PRKD3: variants seen among roughly 807,000 people sequenced by gnomAD.
PRKD3 encodes serine/threonine-protein kinase D3.
A neutral mutation model predicts 99.2 loss-of-function variants in PRKD3; 47 were observed. That is an observed-to-expected ratio of 0.47 (90% CI 0.38 to 0.60). The LOEUF is 0.60. Among genes scored for constraint, PRKD3 ranks in the 20% least tolerant of loss-of-function variants. PRKD3 has a pLI of 0.00. For synonymous variants in PRKD3, 392 were observed against 355.4 expected, an observed-to-expected ratio of 1.10 and a Z score of -1.16; for missense variants, 1,019 against 1,088.4, an observed-to-expected ratio of 0.94 and a Z score of 0.90.
intron 16 of PRKD3, among the ~76,000 whole-genome samples, chr2:37,258,445 T>G (rs114117078): frequency 6.6e-6 from 1 of 152,306 alleles, no homozygotes; most frequent in African/African-American, 2.4e-5. Context: ...ATTAAAGAAG[T>G]GGAGCCATGG....
rs10460527 is a variant in PRKD3 at position 37,277,962 on chromosome 2, T to A, written c.1200A>T (p.Leu400=). 6.2e-7 allele frequency: 1 copy of A among 1,609,072 alleles called. No individual in the cohort carries two copies. The highest frequency in any genetic ancestry group is 8.5e-7 in the Non-Finnish European group (1 of 1,176,462). Residue 400 remains leucine, a synonymous_variant, in exon 9 of 19, where the codon CTA becomes CTT. Coordinates refer to ENST00000234179, the MANE Select transcript of PRKD3 (RefSeq NM_005813.6). ...GCTTGATGGATTGTACAACCCTCAT[T>A]AGCGGAATATTATTGCTTGTTGATG... ...ISPSTSNNIP[L]MRVVQSIKHT...
intron 2 of PRKD3, among the ~76,000 whole-genome samples, chr2:37,301,232 C>T (rs1670911477): frequency 6.6e-6 from 1 of 152,094 alleles, no homozygotes. Context: ...AACAAAAATA[C>T]TTTATATTCC....
chr2:37,308,292 A>T (rs1424278451), intron 2 of PRKD3, among the ~76,000 whole-genome samples: 1 of 152,102 alleles, frequency 6.6e-6, no homozygotes, highest in Non-Finnish European at 1.5e-5. Flanking sequence ...CTCTAAACTG[A>T]TCTTTTCATG....
chr2:37,292,350 CTTT>C (rs987226119), intron 3 of PRKD3, among the ~76,000 whole-genome samples: 2 of 143,030 alleles, frequency 1.4e-5, no homozygotes, highest in Non-Finnish European at 1.5e-5. Context: ...TGATTTTTTC[CTTT>C]TTTTTTTTTT....
At chr2:37,293,987 G>C (rs1670563110) in intron 2 of PRKD3, among the ~76,000 whole-genome samples, 1 of 152,178 alleles carries the variant, frequency 6.6e-6, no homozygotes, top group South Asian at 2.1e-4. Context: ...TTTACCATCA[G>C]TCTTGGATCT....
At chr2:37,286,938 C>A (rs2124822108) in intron 5 of PRKD3, among the ~76,000 whole-genome samples, 1 of 152,114 alleles carries the variant, frequency 6.6e-6, no homozygotes, top group South Asian at 2.1e-4. Flanking sequence ...TGGTTTTCTG[C>A]CTGGTCTTCT....
chr2:37,290,168 C>G (rs1670332590), intron 4 of PRKD3, among the ~76,000 whole-genome samples: 1 of 152,200 alleles, frequency 6.6e-6, no homozygotes, highest in African/African-American at 2.4e-5. Context: ...AAATGTGCAC[C>G]TGTGTCCTAC....
At chr2:37,258,144 A>G (rs1668125209) in intron 16 of PRKD3, among the ~76,000 whole-genome samples, 2 of 152,202 alleles carry the variant, frequency 1.3e-5, no homozygotes, top group South Asian at 4.1e-4. Context: ...CATTAATATA[A>G]ATTGAGAGGA....
intron 2 of PRKD3, among the ~76,000 whole-genome samples, chr2:37,314,523 T>C (rs1241139648): frequency 6.6e-6 from 1 of 152,140 alleles, no homozygotes; most frequent in African/African-American, 2.4e-5. Flanking sequence ...CTGGTAAACC[T>C]CTGTAGAAGT....
chr2:37,311,866 G>T (rs1475978314), intron 2 of PRKD3, among the ~76,000 whole-genome samples: 1 of 152,128 alleles, frequency 6.6e-6, no homozygotes, highest in Non-Finnish European at 1.5e-5. Context: ...CAAAGGACCT[G>T]ATTTAATTGG....
chr2:37,317,869 GGGT>G (rs1327388264), intron 1 of PRKD3: 1 of 152,068 alleles, frequency 6.6e-6, no homozygotes, highest in Non-Finnish European at 1.5e-5. Flanking sequence ...GGCACATTTG[GGGT>G]GGTGTGGCTG....
intron 17 of PRKD3, 98 bp from the exon 18 acceptor site, chr2:37,254,387 G>C: frequency 2.3e-6 from 2 of 860,154 alleles, no homozygotes; most frequent in East Asian, 2.5e-5. Context: ...AGAAATACAG[G>C]GTTGAGGAAT....
chr2:37,317,732 A>G (rs186660576), intron 1 of PRKD3: 15 of 152,336 alleles, frequency 9.8e-5, no homozygotes, highest in African/African-American at 2.9e-4. Context: ...TAAATGATCA[A>G]TAAGTGTGAA....
At chr2:37,291,699 G>A (rs1670434386) in intron 3 of PRKD3, among the ~76,000 whole-genome samples, 2 of 152,186 alleles carry the variant, frequency 1.3e-5, no homozygotes, top group Non-Finnish European at 2.9e-5. Context: ...GTAGCAGGGA[G>A]TGAGATGAAT....
At chr2:37,289,986 C>G (rs1012493175) in intron 4 of PRKD3, among the ~76,000 whole-genome samples, 1 of 152,154 alleles carries the variant, frequency 6.6e-6, no homozygotes, top group Admixed American at 6.5e-5. Context: ...TTTATTGGAA[C>G]ACAACCATAT....
At chr2:37,255,075 G>T (rs1284342707) in intron 17 of PRKD3, among the ~76,000 whole-genome samples, 1 of 152,116 alleles carries the variant, frequency 6.6e-6, no homozygotes, top group Non-Finnish European at 1.5e-5. Flanking sequence ...TCTATTTCTT[G>T]TCTCTATACT....
chr2:37,265,025 C>T (rs1370018638), intron 14 of PRKD3, among the ~76,000 whole-genome samples: 2 of 152,166 alleles, frequency 1.3e-5, no homozygotes, highest in Non-Finnish European at 2.9e-5. Context: ...GCAATCTTCA[C>T]CCCATCTTTT....
At chr2:37,254,742 G>A (rs946259386) in intron 17 of PRKD3, among the ~76,000 whole-genome samples, 1 of 152,076 alleles carries the variant, frequency 6.6e-6, no homozygotes, top group Non-Finnish European at 1.5e-5. Context: ...TCCCCACCCC[G>A]CTCCAATGCT....
intron 16 of PRKD3, among the ~76,000 whole-genome samples, chr2:37,257,953 C>T (rs1451245706): frequency 2.0e-5 from 3 of 152,130 alleles, no homozygotes; most frequent in Non-Finnish European, 4.4e-5. Context: ...CTACCACATC[C>T]TCTCAAAAGA....
Sources: gnomAD v4.1 joint callset for allele counts (sites outside exome capture counted in the v4.1 genomes callset) on GRCh38, gnomAD v4.1.1 for gene constraint, MANE v1.5 for transcripts, NCBI Gene and HGNC (gene_info 2026-07-23, HGNC 2026-07-21) for gene names.